The following SLC25A21 variants were observed in gnomAD, a reference collection of about 807,000 sequenced individuals.
SLC25A21 encodes mitochondrial 2-oxodicarboxylate carrier.
Under a neutral mutation model 43.8 loss-of-function variants are expected in SLC25A21, and 47 were observed. That is an observed-to-expected ratio of 1.07 (90% CI 0.85 to 1.37). The LOEUF (loss-of-function observed/expected upper bound fraction) is 1.37, where lower values mean the gene tolerates loss of function less well. SLC25A21 is among the 40% of genes most tolerant of loss of function. The pLI, the probability that SLC25A21 is intolerant of heterozygous loss-of-function variation, is 0.00. For missense variants in SLC25A21, 352 were observed against 350.2 expected (o/e 1.00, Z -0.04); for synonymous variants, 131 against 121.3 (o/e 1.08, Z -0.52).
At chr14:37,131,004 G>C (rs1323452240) in intron 1 of SLC25A21, among the ~76,000 whole-genome samples, 1 of 152,206 alleles carries the variant, frequency 6.6e-6, no homozygotes, top group Non-Finnish European at 1.5e-5. Flanking sequence ...GGGAAGGAGG[G>C]AGAAGATGAT....
intron 1 of SLC25A21, among the ~76,000 whole-genome samples, chr14:36,916,328 T>C (rs79781874): frequency 0.011 from 1,716 of 152,302 alleles, 33 homozygotes; most frequent in African/African-American, 0.039. Flanking sequence ...GTTTATCCTT[T>C]GTCTTCTCAA....
At chr14:36,846,157 A>T (rs945182878) in intron 2 of SLC25A21, among the ~76,000 whole-genome samples, 1 of 152,170 alleles carries the variant, frequency 6.6e-6, no homozygotes, top group Non-Finnish European at 1.5e-5. Context: ...AACTTTCTAG[A>T]AGGAATTATA....
intron 1 of SLC25A21, among the ~76,000 whole-genome samples, chr14:36,924,857 T>C (rs1020960714): frequency 6.6e-6 from 1 of 152,052 alleles, no homozygotes; most frequent in Non-Finnish European, 1.5e-5. Flanking sequence ...AGGAAGTGTA[T>C]AGGTTATATG....
At chr14:36,940,648 A>G in intron 1 of SLC25A21, among the ~76,000 whole-genome samples, 1 of 152,156 alleles carries the variant, frequency 6.6e-6, no homozygotes, top group East Asian at 1.9e-4. Flanking sequence ...CAACGTATCA[A>G]AAACAAAGAA....
chr14:36,981,496 T>A (rs909043523), intron 1 of SLC25A21, among the ~76,000 whole-genome samples: 2 of 152,212 alleles, frequency 1.3e-5, no homozygotes, highest in African/African-American at 4.8e-5. Flanking sequence ...CACCATGGAA[T>A]GCTATGCAGC....
At chr14:37,131,805 C>G (rs992815144) in intron 1 of SLC25A21, among the ~76,000 whole-genome samples, 3 of 152,102 alleles carry the variant, frequency 2.0e-5, no homozygotes, top group Admixed American at 6.5e-5. Flanking sequence ...TCCTGAGTAG[C>G]TGGGACCACT....
intron 2 of SLC25A21, among the ~76,000 whole-genome samples, chr14:36,837,217 A>G (rs1421890006): frequency 6.6e-6 from 1 of 151,998 alleles, no homozygotes; most frequent in Non-Finnish European, 1.5e-5. Flanking sequence ...GGTTTTGCCA[A>G]GATGCAAGGA....
At chr14:37,063,823 T>G (rs1962003220) in intron 1 of SLC25A21, among the ~76,000 whole-genome samples, 1 of 152,166 alleles carries the variant, frequency 6.6e-6, no homozygotes. Context: ...GCCCATGTGT[T>G]GCTAGACTCA....
intron 1 of SLC25A21, chr14:37,097,310 AAGCTGGTCTTGAACTCCTG>A (rs1962717675): frequency 1.3e-5 from 2 of 152,024 alleles, no homozygotes; most frequent in Admixed American, 1.3e-4. Flanking sequence ...CATGTTACCC[AAGCTGGTCTTGAACTCCTG>A]AGCTCAAGCT....
chr14:37,103,010 A>G (rs1458086550), intron 1 of SLC25A21, among the ~76,000 whole-genome samples: 1 of 152,026 alleles, frequency 6.6e-6, no homozygotes, highest in African/African-American at 2.4e-5. Context: ...AAAATTAATC[A>G]AAGTCAAACC....
At chr14:36,793,234 C>T (rs1887554261) in intron 3 of SLC25A21, among the ~76,000 whole-genome samples, 1 of 152,004 alleles carries the variant, frequency 6.6e-6, no homozygotes, top group African/African-American at 2.4e-5. Context: ...AGGAGAATTT[C>T]CTCATAATTT....
intron 3 of SLC25A21, among the ~76,000 whole-genome samples, chr14:36,802,707 A>T (rs565531476): frequency 2.0e-5 from 3 of 152,312 alleles, no homozygotes; most frequent in African/African-American, 7.2e-5. Context: ...TCAAAGAGAA[A>T]ACAGCATACG....
chr14:37,105,924 G>A (rs555011599), intron 1 of SLC25A21, among the ~76,000 whole-genome samples: 3 of 152,096 alleles, frequency 2.0e-5, no homozygotes, highest in Non-Finnish European at 1.5e-5. Context: ...CAGGGACCCC[G>A]AACAGAGGGA....
At chr14:36,850,680 C>G (rs183903709) in intron 2 of SLC25A21, among the ~76,000 whole-genome samples, 97 of 152,280 alleles carry the variant, frequency 6.4e-4, no homozygotes, top group Non-Finnish European at 1.2e-3. Context: ...ATTACCTCTA[C>G]TCTACCAGCA....
intron 6 of SLC25A21, among the ~76,000 whole-genome samples, chr14:36,717,613 C>T (rs1470027451): frequency 1.3e-5 from 2 of 152,222 alleles, no homozygotes; most frequent in Non-Finnish European, 2.9e-5. Flanking sequence ...GGTGACAGTG[C>T]TGTGGCCACA....
chr14:37,005,881 T>TA (rs1431230727), intron 1 of SLC25A21, among the ~76,000 whole-genome samples: 1 of 152,186 alleles, frequency 6.6e-6, no homozygotes, highest in East Asian at 1.9e-4. Context: ...TTTCTCTTCA[T>TA]AAAAAATAGA....
chr14:37,082,495 A>C (rs8009729), intron 1 of SLC25A21, among the ~76,000 whole-genome samples: 22,289 of 152,162 alleles, frequency 0.15, 5,364 homozygotes, highest in African/African-American at 0.5. Flanking sequence ...GACACCATCT[A>C]TTTCTCCTTT....
intron 1 of SLC25A21, among the ~76,000 whole-genome samples, chr14:36,997,287 T>C (rs10131507): frequency 0.43 from 65,774 of 151,862 alleles, 17,770 homozygotes; most frequent in African/African-American, 0.78. Context: ...CAGTCTATGC[T>C]CCCGCGGAGC....
intron 1 of SLC25A21, among the ~76,000 whole-genome samples, chr14:36,880,138 T>C (rs1440028184): frequency 6.6e-6 from 1 of 152,174 alleles, no homozygotes; most frequent in African/African-American, 2.4e-5. Flanking sequence ...GACTAAGTTC[T>C]GGCCAAAGGG....
Sources: gnomAD v4.1 joint callset for allele counts (sites outside exome capture counted in the v4.1 genomes callset) on GRCh38, gnomAD v4.1.1 for gene constraint, MANE v1.5 for transcripts, NCBI Gene and HGNC (gene_info 2026-07-23, HGNC 2026-07-21) for gene names.